RERE: variants seen among roughly 807,000 people sequenced by gnomAD.
The protein encoded by RERE is arginine-glutamic acid dipeptide repeats protein.
Under a neutral mutation model 146.1 loss-of-function variants are expected in RERE, and 40 were observed. That is an observed-to-expected ratio of 0.27 (90% CI 0.21 to 0.36). The LOEUF (loss-of-function observed/expected upper bound fraction) is 0.36, where lower values mean the gene tolerates loss of function less well. Ranked by LOEUF, RERE falls within the 10% of genes least tolerant of loss-of-function variation. The probability of loss-of-function intolerance (pLI) is 1.00; values close to 1 mark genes in which losing one functional copy is unlikely to be tolerated. For synonymous variants in RERE, 1,003 were observed against 866.0 expected (o/e 1.16, Z -2.78); for missense variants, 1,933 against 2,138.7 (o/e 0.90, Z 1.90).
chr1:8,364,046 G>A lies in RERE; in HGVS notation c.1740+10C>T, dbSNP rs755524777. 1.2e-6 allele frequency: 2 copies of A among 1,611,448 alleles called. No individual in the cohort carries two copies. Among genetic ancestry groups the A allele is most frequent in the Non-Finnish European group, 8.5e-7 (1 of 1,177,784 alleles). On this transcript the variant is annotated intron_variant, in intron 15 of 22. Coordinates refer to ENST00000400908, the MANE Select transcript of RERE (RefSeq NM_001042681.2). This position sits in a 1 kb window ranked among gnomAD's most constrained non-coding sequence, Gnocchi z 5.1. ...AGTTGCCAGGAGCCCCATGGCCCCA[G>A]GGGACTCACCGAGCCCCGACTCCGC...
At chr1:8,594,877 G>A (rs986080774) in intron 4 of RERE, among the ~76,000 whole-genome samples, 7 of 152,060 alleles carry the variant, frequency 4.6e-5, no homozygotes, top group Non-Finnish European at 7.4e-5. Context: ...AGCTGCGGGG[G>A]CCAGGCACAG....
At chr1:8,374,909 C>G (rs1642181288) in intron 12 of RERE, among the ~76,000 whole-genome samples, 1 of 152,202 alleles carries the variant, frequency 6.6e-6, no homozygotes, top group Non-Finnish European at 1.5e-5. Context: ...CCCTGTAGTC[C>G]TCCTCATCAC....
intron 4 of RERE, among the ~76,000 whole-genome samples, chr1:8,599,760 CAGA>C (rs1380755816): frequency 3.3e-5 from 5 of 152,156 alleles, no homozygotes; most frequent in Admixed American, 2.6e-4. Context: ...TTATTTTCAG[CAGA>C]AGGAGACAGT....
chr1:8,708,134 G>A (rs1358761617), intron 1 of RERE, among the ~76,000 whole-genome samples: 1 of 152,102 alleles, frequency 6.6e-6, no homozygotes, highest in Non-Finnish European at 1.5e-5. Context: ...AGAATACGGA[G>A]GGATATGGTT....
At chr1:8,673,777 C>T (rs904534581) in intron 1 of RERE, among the ~76,000 whole-genome samples, 1 of 152,170 alleles carries the variant, frequency 6.6e-6, no homozygotes, top group Admixed American at 6.5e-5. Flanking sequence ...GGCGCAGTGG[C>T]TCATGCCTGT....
intron 10 of RERE, among the ~76,000 whole-genome samples, chr1:8,478,093 T>C (rs1644778127): frequency 6.6e-6 from 1 of 152,228 alleles, no homozygotes; most frequent in Non-Finnish European, 1.5e-5. Context: ...CAATTCTAGC[T>C]TTCCCAATCT....
intron 7 of RERE, among the ~76,000 whole-genome samples, chr1:8,530,136 T>C (rs1645624079): frequency 6.6e-6 from 1 of 152,110 alleles, no homozygotes; most frequent in Non-Finnish European, 1.5e-5. Flanking sequence ...GCCAAGGCCT[T>C]CCCAGAAGTC....
chr1:8,394,959 C>T (rs1409492946), intron 12 of RERE, among the ~76,000 whole-genome samples: 2 of 151,942 alleles, frequency 1.3e-5, no homozygotes, highest in African/African-American at 4.8e-5. Flanking sequence ...GAAACTCAAA[C>T]GTCTGTTGAG....
At chr1:8,480,459 G>A (rs1400073481) in intron 10 of RERE, among the ~76,000 whole-genome samples, 1 of 120,920 alleles carries the variant, frequency 8.3e-6, no homozygotes, top group African/African-American at 3.2e-5. Context: ...TTTTTTAGAC[G>A]AAGGCTTGCT....
chr1:8,792,232 C>A (rs1208085494), intron 1 of RERE, among the ~76,000 whole-genome samples: 1 of 152,126 alleles, frequency 6.6e-6, no homozygotes, highest in Non-Finnish European at 1.5e-5. Flanking sequence ...TTTATCTATG[C>A]ACATAAAAAC....
chr1:8,629,540 T>C (rs896914309), intron 2 of RERE, among the ~76,000 whole-genome samples: 1 of 152,124 alleles, frequency 6.6e-6, no homozygotes, highest in Non-Finnish European at 1.5e-5. Flanking sequence ...TCAGCAGGTT[T>C]ATGTAAATAT....
intron 12 of RERE, among the ~76,000 whole-genome samples, chr1:8,391,692 T>C (rs1046067469): frequency 8.5e-5 from 13 of 152,222 alleles, no homozygotes; most frequent in Admixed American, 6.5e-5. Context: ...CTTATGAGAA[T>C]TTATAATTAT....
chr1:8,549,593 T>G (rs1239666242), intron 6 of RERE, among the ~76,000 whole-genome samples: 1 of 152,174 alleles, frequency 6.6e-6, no homozygotes, highest in African/African-American at 2.4e-5. Context: ...GATAGGTGCT[T>G]AAAATCACTG....
chr1:8,660,694 C>T (rs1484589432), intron 1 of RERE, among the ~76,000 whole-genome samples: 3 of 152,192 alleles, frequency 2.0e-5, no homozygotes, highest in African/African-American at 4.8e-5. Context: ...TGATGATTCA[C>T]GCAGACAGAT....
intron 1 of RERE, among the ~76,000 whole-genome samples, chr1:8,708,976 A>T (rs1424492162): frequency 7.6e-6 from 1 of 132,056 alleles, no homozygotes; most frequent in African/African-American, 3.0e-5. Flanking sequence ...GCAGTGGTGC[A>T]ATCTCGGCTC....
chr1:8,781,356 C>CAAAA (rs55676461), intron 1 of RERE, among the ~76,000 whole-genome samples: 6 of 129,772 alleles, frequency 4.6e-5, no homozygotes, highest in South Asian at 5.2e-4. Flanking sequence ...GACTCCGTCT[C>CAAAA]AAAAAAAAAA....
chr1:8,389,203 C>G (rs570019959), intron 12 of RERE, among the ~76,000 whole-genome samples: 112 of 152,300 alleles, frequency 7.4e-4, no homozygotes, highest in South Asian at 2.1e-3. Flanking sequence ...AATGACTACT[C>G]CATAGGTGTC....
At chr1:8,513,974 G>A (rs1286283678) in intron 7 of RERE, among the ~76,000 whole-genome samples, 1 of 152,196 alleles carries the variant, frequency 6.6e-6, no homozygotes, top group African/African-American at 2.4e-5. Flanking sequence ...GTTTTATAGA[G>A]AATGTCAGTT....
At chr1:8,412,074 C>A (rs1643631801) in intron 12 of RERE, among the ~76,000 whole-genome samples, 1 of 152,168 alleles carries the variant, frequency 6.6e-6, no homozygotes, top group Non-Finnish European at 1.5e-5. Flanking sequence ...GTGCCTAAGT[C>A]AATAACCACC....
Sources: allele counts gnomAD v4.1 joint callset (sites outside exome capture counted in the v4.1 genomes callset), GRCh38; gene constraint gnomAD v4.1.1; non-coding constraint Gnocchi (gnomAD v3.1); transcripts MANE v1.5; gene names NCBI Gene and HGNC (gene_info 2026-07-23, HGNC 2026-07-21).